The following PID1 variants were observed in gnomAD, a reference collection of about 807,000 sequenced individuals.
PID1 encodes the protein PTB-containing, cubilin and LRP1-interacting protein.
Under a neutral mutation model 19.1 loss-of-function variants are expected in PID1, and 10 were observed. The ratio of observed to expected loss-of-function variants is 0.52; its 90% confidence interval spans 0.32 to 0.89. The LOEUF is 0.89. PID1 is among the 40% of genes least tolerant of loss of function. PID1 has a pLI of 0.03. For missense variants in PID1, 248 were observed against 285.3 expected (o/e 0.87, Z 0.94); for synonymous variants, 130 against 116.0 (o/e 1.12, Z -0.78).
intron 2 of PID1, among the ~76,000 whole-genome samples, chr2:229,052,539 C>T (rs1694016493): frequency 7.9e-6 from 1 of 125,890 alleles, no homozygotes; most frequent in Non-Finnish European, 1.6e-5. Context: ...TGGGACTTGG[C>T]TTAGAGAGCT....
intron 2 of PID1, among the ~76,000 whole-genome samples, chr2:229,043,150 G>A (rs896697952): frequency 1.3e-4 from 19 of 151,646 alleles, no homozygotes; most frequent in African/African-American, 4.4e-4. Flanking sequence ...TGATTACAGG[G>A]GCTCGCCACC....
At chr2:229,034,275 A>G (rs1487059258) in intron 2 of PID1, among the ~76,000 whole-genome samples, 1 of 152,246 alleles carries the variant, frequency 6.6e-6, no homozygotes, top group Non-Finnish European at 1.5e-5. Context: ...TAACAGGAAC[A>G]GAACCAACAG....
intron 2 of PID1, among the ~76,000 whole-genome samples, chr2:229,145,189 A>ATATATATATATATATATAT (rs1690104562): frequency 6.9e-6 from 1 of 144,582 alleles, no homozygotes; most frequent in African/African-American, 2.5e-5. Flanking sequence ...ATATATATAT[A>ATATATATATATATATATAT]AACTCGAGAC....
At chr2:229,070,674 C>T (rs1385739960) in intron 2 of PID1, among the ~76,000 whole-genome samples, 1 of 152,070 alleles carries the variant, frequency 6.6e-6, no homozygotes, top group Non-Finnish European at 1.5e-5. Context: ...ATAATGAGGC[C>T]TTCTGGGGGA....
intron 1 of PID1, among the ~76,000 whole-genome samples, chr2:229,162,643 A>G (rs750649579): frequency 6.6e-6 from 1 of 152,250 alleles, no homozygotes; most frequent in East Asian, 1.9e-4. Flanking sequence ...CTTCAGTCCA[A>G]ATAAATGTTA....
intron 1 of PID1, among the ~76,000 whole-genome samples, chr2:229,219,636 TG>T (rs1269334486): frequency 6.6e-6 from 1 of 152,064 alleles, no homozygotes; most frequent in African/African-American, 2.4e-5. Flanking sequence ...TAGGCTCAAG[TG>T]ATCCTCCCAC....
intron 1 of PID1, among the ~76,000 whole-genome samples, chr2:229,235,028 C>T (rs1692293924): frequency 6.6e-6 from 1 of 152,128 alleles, no homozygotes; most frequent in Admixed American, 6.5e-5. Context: ...ATTATCTCAG[C>T]CTCTGATCAA....
chr2:229,069,143 T>TTTTTTTTGTGTGTG (rs369977117), intron 2 of PID1, among the ~76,000 whole-genome samples: 3 of 140,708 alleles, frequency 2.1e-5, no homozygotes, highest in African/African-American at 8.0e-5. Context: ...AGAAGGGTTT[T>TTTTTTTTGTGTGTG]TGTGTGTGTG....
At chr2:229,073,171 G>A (rs1021351230) in intron 2 of PID1, among the ~76,000 whole-genome samples, 4 of 152,098 alleles carry the variant, frequency 2.6e-5, no homozygotes, top group East Asian at 1.9e-4. Context: ...GACTACCGGC[G>A]CCCGCCACCA....
chr2:229,103,305 C>T (rs975269963), intron 2 of PID1, among the ~76,000 whole-genome samples: 11 of 152,164 alleles, frequency 7.2e-5, no homozygotes, highest in African/African-American at 2.6e-4. Flanking sequence ...AGTCACATTT[C>T]GCACAGACAC....
At chr2:229,153,583 T>C (rs1345397976) in intron 2 of PID1, among the ~76,000 whole-genome samples, 1 of 152,022 alleles carries the variant, frequency 6.6e-6, no homozygotes, top group African/African-American at 2.4e-5. Flanking sequence ...TCTGATTTCC[T>C]ACTATTTTTT....
At position 229,158,606 on chromosome 2, in the gene PID1, TA is replaced by T. The variant is rs909726141; in HGVS notation, c.31-2643del. On this transcript the variant is annotated intron_variant, in intron 1 of 2. Transcript: ENST00000392055. ...ATTTTAAAAAACAAACCACAAATATTAAAAAAAAAAAGAAAACTAAATCAGG... is the reference window on the plus strand; with the variant it reads ...ATTTTAAAAAACAAACCACAAATATTAAAAAAAAAAGAAAACTAAATCAGG... Among the ~76,000 whole-genome samples the T allele has an allele frequency of 6.0e-3, 875 of 145,044 alleles. 6 individuals are homozygous for T. Among genetic ancestry groups the T allele is most frequent in the Non-Finnish European group, 0.011 (698 of 65,808 alleles).
chr2:229,166,934 T>A (rs534560552), intron 1 of PID1, among the ~76,000 whole-genome samples: 7 of 119,432 alleles, frequency 5.9e-5, no homozygotes, highest in African/African-American at 1.9e-4. Flanking sequence ...CTAAAAAAAA[T>A]ATCAATGAAC....
At chr2:229,232,669 G>C (rs1465138838) in intron 1 of PID1, among the ~76,000 whole-genome samples, 1 of 150,326 alleles carries the variant, frequency 6.7e-6, no homozygotes, top group Non-Finnish European at 1.5e-5. Flanking sequence ...GTGTATGCAT[G>C]TGTGTGCTAT....
intron 2 of PID1, among the ~76,000 whole-genome samples, chr2:229,061,241 T>C (rs1694206686): frequency 6.6e-6 from 1 of 152,156 alleles, no homozygotes; most frequent in East Asian, 1.9e-4. Context: ...GTTTCAGGCC[T>C]TTCTCTTTAG....
At chr2:229,114,227 G>A (rs778668785) in intron 2 of PID1, among the ~76,000 whole-genome samples, 6 of 146,756 alleles carry the variant, frequency 4.1e-5, no homozygotes, top group Admixed American at 2.7e-4. Flanking sequence ...ACATCCAGTC[G>A]GTTCTGTTTC....
intron 1 of PID1, among the ~76,000 whole-genome samples, chr2:229,264,359 C>T (rs1020908125): frequency 6.6e-6 from 1 of 152,066 alleles, no homozygotes; most frequent in Non-Finnish European, 1.5e-5. Flanking sequence ...TGGAGACCAC[C>T]GCCTGGCAGA....
intron 1 of PID1, among the ~76,000 whole-genome samples, chr2:229,247,792 CTTCT>C (rs1690042728): frequency 6.6e-6 from 1 of 152,202 alleles, no homozygotes; most frequent in Non-Finnish European, 1.5e-5. Context: ...ATAATGTCTT[CTTCT>C]TTAACAGTTT....
chr2:229,032,567 T>C (rs544304039), intron 2 of PID1, among the ~76,000 whole-genome samples: 1 of 152,320 alleles, frequency 6.6e-6, no homozygotes, highest in Non-Finnish European at 1.5e-5. Context: ...AGATTTTTCT[T>C]TGAGCCTTCA....
Sources: gnomAD v4.1 joint callset for allele counts (sites outside exome capture counted in the v4.1 genomes callset) on GRCh38, gnomAD v4.1.1 for gene constraint, MANE v1.5 for transcripts, NCBI Gene and HGNC (gene_info 2026-07-23, HGNC 2026-07-21) for gene names.